The following RERE variants were observed in gnomAD, a reference collection of about 807,000 sequenced individuals.
RERE encodes arginine-glutamic acid dipeptide repeats protein.
A neutral mutation model predicts 146.1 loss-of-function variants in RERE; 40 were observed. That is an observed-to-expected ratio of 0.27 (90% CI 0.21 to 0.36). The LOEUF is 0.36. Ranked by LOEUF, RERE falls within the 10% of genes least tolerant of loss-of-function variation. The probability of loss-of-function intolerance (pLI) is 1.00; values close to 1 mark genes in which losing one functional copy is unlikely to be tolerated. For missense variants in RERE, 1,933 were observed against 2,138.7 expected (o/e 0.90, Z 1.90); for synonymous variants, 1,003 against 866.0 (o/e 1.16, Z -2.78).
intron 10 of RERE, among the ~76,000 whole-genome samples, chr1:8,483,988 T>TC (rs1371049118): frequency 3.9e-5 from 6 of 152,146 alleles, no homozygotes; most frequent in Non-Finnish European, 1.5e-5. Context: ...AATAAATTAC[T>TC]GAGAAAGAAA....
intron 1 of RERE, among the ~76,000 whole-genome samples, chr1:8,725,327 A>T (rs575174986): frequency 1.3e-3 from 191 of 152,330 alleles, no homozygotes; most frequent in African/African-American, 3.5e-3. Context: ...GCACTTTGGG[A>T]GGCCAAGGTG....
chr1:8,466,069 A>C, intron 10 of RERE, 46 bp from the exon 11 acceptor site: 1 of 1,501,478 alleles, frequency 6.7e-7, no homozygotes, highest in South Asian at 1.2e-5. Context: ...CAAATAACAG[A>C]CAGGACACAA....
At chr1:8,556,608 GTT>G in intron 5 of RERE, 37 bp from the exon 6 acceptor site, 1 of 1,312,180 alleles carries the variant, frequency 7.6e-7, no homozygotes, top group Non-Finnish European at 1.1e-6. Flanking sequence ...TTAAAACTGA[GTT>G]TCCCAAAACA....
At chr1:8,403,433 CTTTT>C (rs70990565) in intron 12 of RERE, among the ~76,000 whole-genome samples, 1 of 137,298 alleles carries the variant, frequency 7.3e-6, no homozygotes, top group Admixed American at 7.3e-5. Context: ...TTCATATTTT[CTTTT>C]TTTTTTTTTT....
At chr1:8,515,407 A>G (rs1273485047) in intron 7 of RERE, among the ~76,000 whole-genome samples, 2 of 149,176 alleles carry the variant, frequency 1.3e-5, no homozygotes, top group Non-Finnish European at 1.5e-5. Context: ...TGAGGCAGGC[A>G]GGTCACCTGA....
rs142033953 is a variant in RERE at position 8,587,474 on chromosome 1, C to T, written c.522+27087G>A. Among the ~76,000 whole-genome samples, 10 of 152,308 alleles carry T rather than the reference C, an allele frequency of 6.6e-5. 1 individual carries two copies. The highest frequency in any genetic ancestry group is 1.5e-4 in the Non-Finnish European group (10 of 68,018). On this transcript the variant is annotated intron_variant, in intron 4 of 22. Coordinates refer to ENST00000400908, the MANE Select transcript of RERE (RefSeq NM_001042681.2). ...ACATTTTTGTTGCAAAGCAGATAAA[C>T]ACTGCTTGTTAACTTCACATCCCTC...
intron 1 of RERE, among the ~76,000 whole-genome samples, chr1:8,796,945 G>C (rs1348156477): frequency 6.6e-6 from 1 of 152,130 alleles, no homozygotes; most frequent in Non-Finnish European, 1.5e-5. Context: ...AAACAATACA[G>C]ATGAGGGTCA....
At chr1:8,556,706 T>C (rs1213454700) in intron 5 of RERE, 135 bp from the exon 6 acceptor site, 20 of 600,988 alleles carry the variant, frequency 3.3e-5, no homozygotes, top group South Asian at 3.1e-4. Flanking sequence ...GTATGCAAAA[T>C]AGAGAAGAGG....
chr1:8,765,546 C>T (rs1640830251), intron 1 of RERE, among the ~76,000 whole-genome samples: 1 of 152,156 alleles, frequency 6.6e-6, no homozygotes. Context: ...AGGCCGGATG[C>T]GGTGGCTCAT....
At chr1:8,779,448 G>T (rs1367693715) in intron 1 of RERE, among the ~76,000 whole-genome samples, 1 of 151,826 alleles carries the variant, frequency 6.6e-6, no homozygotes, top group Non-Finnish European at 1.5e-5. Flanking sequence ...GATCACCTGA[G>T]GTCCAGGAGG....
In RERE at chr1:8,495,104, C is replaced by G; in HGVS notation, c.1063G>C (p.Ala355Pro). The G allele has an allele frequency of 1.9e-6, 3 of 1,613,670 alleles. No homozygotes were observed. The highest frequency in any genetic ancestry group is 2.5e-6 in the Non-Finnish European group (3 of 1,179,658). Residue 355 changes from alanine (A) to proline (P), a missense_variant, in exon 10 of 23, where the codon GCA becomes CCA. Physicochemically the swap from Ala to Pro is conservative, Grantham distance 27. Transcript: ENST00000400908. ...AGAGTGGTGTCATCCCGAGAGGCTG[C>G]GACACAGCCGTCCTCTGTAGAGCCT... is the stretch of plus-strand genomic sequence containing the variant. ...DGGSTEDGCV[A>P]ASRDDTTLNA...
chr1:8,449,492 C>G (rs1186714860), intron 11 of RERE, among the ~76,000 whole-genome samples: 1 of 152,118 alleles, frequency 6.6e-6, no homozygotes, highest in East Asian at 1.9e-4. Flanking sequence ...AATCTTTCCC[C>G]CAATCCAAAA....
chr1:8,389,080 G>T (rs1642789483), intron 12 of RERE, among the ~76,000 whole-genome samples: 1 of 152,196 alleles, frequency 6.6e-6, no homozygotes, highest in Admixed American at 6.5e-5. Flanking sequence ...CAGTGCTTAT[G>T]AAATGACACT....
At chr1:8,518,601 G>A (rs1022759222) in intron 7 of RERE, among the ~76,000 whole-genome samples, 10 of 152,068 alleles carry the variant, frequency 6.6e-5, no homozygotes, top group Non-Finnish European at 1.3e-4. Context: ...AAAACCAAAA[G>A]GCAATTTATC....
At chr1:8,529,828 C>G (rs1222371248) in intron 7 of RERE, among the ~76,000 whole-genome samples, 4 of 152,302 alleles carry the variant, frequency 2.6e-5, no homozygotes, top group East Asian at 3.9e-4. Flanking sequence ...AGGTTAGCCA[C>G]TAGGTCACAT....
At chr1:8,507,779 C>T (rs1225639448) in intron 8 of RERE, among the ~76,000 whole-genome samples, 2 of 115,844 alleles carry the variant, frequency 1.7e-5, no homozygotes, top group Non-Finnish European at 3.3e-5. Flanking sequence ...TGCTCTGTTG[C>T]CCAGACTGGA....
At chr1:8,614,340 A>C (rs962605121) in intron 4 of RERE, among the ~76,000 whole-genome samples, 2 of 152,038 alleles carry the variant, frequency 1.3e-5, no homozygotes, top group African/African-American at 4.8e-5. Flanking sequence ...GCTGGTGCCA[A>C]AATACCCTTC....
rs143776219 is a variant in RERE at position 8,483,573 on chromosome 1, T to G, written c.1104+11490A>C. ...CTTCCTAACATCAATTTCTGGATGA[T>G]CAAGTGTGATATGAACTTGAACTTG... On this transcript the variant is annotated intron_variant, in intron 10 of 22. Coordinates refer to ENST00000400908, the MANE Select transcript of RERE (RefSeq NM_001042681.2). Among the ~76,000 whole-genome samples the G allele has an allele frequency of 4.4e-3, 673 of 152,358 alleles. 1 individual carries two copies. The highest frequency in any genetic ancestry group is 0.015 in the African/African-American group (632 of 41,576).
chr1:8,384,170 T>C (rs56812469), intron 12 of RERE, among the ~76,000 whole-genome samples: 33,665 of 152,112 alleles, frequency 0.22, 4,260 homozygotes, highest in African/African-American at 0.33. Flanking sequence ...GGTCGGGGTC[T>C]TACTGTTTAT....
Sources: allele counts gnomAD v4.1 joint callset (sites outside exome capture counted in the v4.1 genomes callset), GRCh38; gene constraint gnomAD v4.1.1; transcripts MANE v1.5; gene names NCBI Gene and HGNC (gene_info 2026-07-23, HGNC 2026-07-21).